Variants in MCC observed in about 807,000 individuals in gnomAD.
MCC encodes colorectal mutant cancer protein.
In MCC, 90 loss-of-function variants were observed where a neutral mutation model predicts 116.2. That is an observed-to-expected ratio of 0.77 (90% CI 0.65 to 0.92). The LOEUF (loss-of-function observed/expected upper bound fraction) is 0.92, where lower values mean the gene tolerates loss of function less well. Among genes scored for constraint, MCC ranks in the 40% least tolerant of loss-of-function variants. The pLI is 0.00. For synonymous variants in MCC, 578 were observed against 510.5 expected (o/e 1.13, Z -1.78); for missense variants, 1,516 against 1,312.2 (o/e 1.16, Z -2.40).
intron 3 of MCC, among the ~76,000 whole-genome samples, chr5:113,228,947 T>C (rs191013739): frequency 6.6e-6 from 1 of 152,308 alleles, no homozygotes; most frequent in East Asian, 1.9e-4. Context: ...TTTACATATA[T>C]GGGAAAGAAT....
intron 3 of MCC, among the ~76,000 whole-genome samples, chr5:113,197,183 G>T (rs545410676): frequency 1.3e-5 from 2 of 152,134 alleles, no homozygotes. Flanking sequence ...GTTCTGGGTC[G>T]ATGGGGAGAT....
chr5:113,198,784 A>C lies in MCC; in HGVS notation c.628-47362T>G, dbSNP rs186604631. On this transcript the variant is annotated intron_variant, in intron 3 of 18. Transcript: ENST00000408903. ...CTGAGGAACACAACAAACAGCTGGCACAAGATTCAGGAGAGAGGCTGGGCT... is the reference window on the plus strand; with the variant it reads ...CTGAGGAACACAACAAACAGCTGGCCCAAGATTCAGGAGAGAGGCTGGGCT... Among the ~76,000 whole-genome samples, 4 of 151,988 alleles carry C rather than the reference A, an allele frequency of 2.6e-5. No individual in the cohort carries two copies. The East Asian group carries it at 7.7e-4, about 29-fold the overall frequency.
chr5:113,348,916 C>T (rs1341540447), intron 2 of MCC, among the ~76,000 whole-genome samples: 5 of 151,884 alleles, frequency 3.3e-5, no homozygotes. Flanking sequence ...CATTAGGTGG[C>T]TACTATGAGC....
At position 113,434,212 on chromosome 5, in the gene MCC, C is replaced by A; in HGVS notation, c.171-49000G>T. 1 of 1,614,098 alleles carries A rather than the reference C, an allele frequency of 6.2e-7. No homozygotes were observed. The highest frequency in any genetic ancestry group is 8.5e-7 in the Non-Finnish European group (1 of 1,179,978). On this transcript the variant is annotated intron_variant, in intron 1 of 18. Transcript: ENST00000408903. This position sits in a 1 kb window ranked among gnomAD's most constrained non-coding sequence, Gnocchi z 4.2. ...TCGTCGTAGGGCATGGAGCCGCAGA[C>A]CATGATGTAGAGGATCACGCCTAGG...
chr5:113,348,277 A>G (rs1039735554), intron 2 of MCC, among the ~76,000 whole-genome samples: 2 of 152,106 alleles, frequency 1.3e-5, no homozygotes, highest in African/African-American at 4.8e-5. Context: ...TCTCCTCAGC[A>G]CACAGATCAT....
chr5:113,488,381 T>G lies in MCC; in HGVS notation c.34A>C (p.Ser12Arg), dbSNP rs1561598723. The change falls in exon 1 of 19, where the codon AGC becomes CGC. Residue 12 changes from serine to arginine, a missense_variant. Physicochemically the swap from Ser to Arg is moderately radical, Grantham distance 110. Transcript: ENST00000408903. ...MAAAAAAAAGSSSSGGGGGGS... is the reference protein window; with the variant it reads ...MAAAAAAAAGRSSSGGGGGGS... ...CCGCCGCCGCCGCCGCTGCTGGAGCTCCCCGCAGCCGCTGCCGCCGCGGCC... is the reference window on the plus strand; with the variant it reads ...CCGCCGCCGCCGCCGCTGCTGGAGCGCCCCGCAGCCGCTGCCGCCGCGGCC... 6.9e-7 allele frequency: 1 copy of G among 1,449,144 alleles called. No individual in the cohort carries two copies. The highest frequency in any genetic ancestry group is 1.5e-5 in the South Asian group (1 of 66,650). 89.8% of individuals were successfully genotyped at this position (1,449,144 alleles called of 1,614,324 possible).
Position 113,434,687 on chromosome 5 carries a change from G to T in MCC, c.171-49475C>A. 6.2e-7 allele frequency: 1 copy of T among 1,614,064 alleles called. No homozygotes were observed. The highest frequency in any genetic ancestry group is 8.5e-7 in the Non-Finnish European group (1 of 1,179,920). The stretch of plus-strand genomic sequence containing the variant: ...CCCGGGGAAGGAATTTCTCCAAGAA[G>T]TCTGCGGGGGCCTTCTTGCGGTCGA... On this transcript the variant is annotated intron_variant, in intron 1 of 18. Transcript: ENST00000408903. The surrounding 1 kb of genome is among the most constrained non-coding windows in gnomAD (Gnocchi z 4.2).
intron 1 of MCC, among the ~76,000 whole-genome samples, chr5:113,464,284 A>G (rs922151461): frequency 6.6e-6 from 1 of 152,228 alleles, no homozygotes; most frequent in Non-Finnish European, 1.5e-5. Context: ...CTGCAAGGCC[A>G]TAAAATCTGC....
intron 2 of MCC, among the ~76,000 whole-genome samples, chr5:113,372,533 A>G (rs1183518857): frequency 6.6e-6 from 1 of 152,118 alleles, no homozygotes; most frequent in East Asian, 1.9e-4. Context: ...TTTTCTTTGT[A>G]TTGCTCTTTA....
intron 3 of MCC, among the ~76,000 whole-genome samples, chr5:113,244,086 T>G (rs1385249286): frequency 1.3e-5 from 2 of 152,224 alleles, no homozygotes; most frequent in Non-Finnish European, 2.9e-5. Context: ...TGTCTTTGGA[T>G]AGCATACATG....
intron 3 of MCC, among the ~76,000 whole-genome samples, chr5:113,228,808 A>G (rs1282587127): frequency 6.6e-6 from 1 of 152,242 alleles, no homozygotes; most frequent in African/African-American, 2.4e-5. Context: ...TAAGCCATCA[A>G]AAACAGGTGA....
Position 113,053,828 on chromosome 5 carries a change from C to T in MCC, c.2345G>A (p.Ser782Asn). The change falls in exon 15 of 19, where the codon AGC becomes AAC. Residue 782 changes from serine to asparagine, a missense_variant. Physicochemically the swap from Ser to Asn is conservative, Grantham distance 46. Transcript: ENST00000408903. ...AVKLTMLELE[S>N]IHIDPLSYDV... ...ATAGCTGAGAGGATCGATGTGGATG[C>T]TTTCCAGCTCCAGCATGGTCAGCTT... 4 of 1,614,168 alleles carry T rather than the reference C, an allele frequency of 2.5e-6. No individual in the cohort carries two copies. The highest frequency in any genetic ancestry group is 1.6e-4 in the Middle Eastern group (1 of 6,062).
At chr5:113,097,276 G>C (rs1171652320) in intron 8 of MCC, among the ~76,000 whole-genome samples, 1 of 152,102 alleles carries the variant, frequency 6.6e-6, no homozygotes, top group Non-Finnish European at 1.5e-5. Context: ...CCACTGCCCA[G>C]ATTTAACCTG....
chr5:113,326,706 C>T (rs574849467), intron 3 of MCC, among the ~76,000 whole-genome samples: 3 of 152,274 alleles, frequency 2.0e-5, no homozygotes, highest in Non-Finnish European at 4.4e-5. Flanking sequence ...TGGATTCAGT[C>T]ATTCTTAACA....
chr5:113,258,309 C>T (rs1178264886), intron 3 of MCC, among the ~76,000 whole-genome samples: 1 of 152,118 alleles, frequency 6.6e-6, no homozygotes, highest in African/African-American at 2.4e-5. Context: ...TATTTGAATG[C>T]CAACAGACTA....
At chr5:113,428,484 A>G (rs1429575215) in intron 1 of MCC, among the ~76,000 whole-genome samples, 5 of 152,078 alleles carry the variant, frequency 3.3e-5, no homozygotes, top group African/African-American at 9.7e-5. Context: ...CCCATATCCA[A>G]TGACTATATG....
intron 13 of MCC, among the ~76,000 whole-genome samples, chr5:113,067,038 C>T (rs924032657): frequency 6.6e-6 from 1 of 152,238 alleles, no homozygotes; most frequent in Non-Finnish European, 1.5e-5. Context: ...GTCCTCCCCA[C>T]ATCACTGCAG....
intron 2 of MCC, among the ~76,000 whole-genome samples, chr5:113,376,574 T>TATACACACAC (rs10633405): frequency 0.015 from 2,169 of 145,846 alleles, 44 homozygotes; most frequent in African/African-American, 0.051. Flanking sequence ...CCATATTTTA[T>TATACACACAC]ACACACACAC....
At chr5:113,120,015 T>G (rs1345716299) in intron 6 of MCC, among the ~76,000 whole-genome samples, 1 of 152,234 alleles carries the variant, frequency 6.6e-6, no homozygotes, top group Non-Finnish European at 1.5e-5. Context: ...CTTCCCAAAC[T>G]TATTTAATTA....
Sources: allele counts gnomAD v4.1 joint callset (sites outside exome capture counted in the v4.1 genomes callset), GRCh38; gene constraint gnomAD v4.1.1; non-coding constraint Gnocchi (gnomAD v3.1); transcripts MANE v1.5; gene names NCBI Gene and HGNC (gene_info 2026-07-23, HGNC 2026-07-21).